The following PNP variants were observed in gnomAD, a reference collection of about 807,000 sequenced individuals.
PNP encodes the protein HEL-S-156an.
In PNP, 18 loss-of-function variants were observed where a neutral mutation model predicts 26.8. That is an observed-to-expected ratio of 0.67 (90% CI 0.46 to 1.00). The LOEUF (loss-of-function observed/expected upper bound fraction) is 1.00, where lower values mean the gene tolerates loss of function less well. Among genes scored for constraint, PNP ranks in the 50% least tolerant of loss-of-function variants. The pLI is 0.00. For synonymous variants in PNP, 116 were observed against 124.8 expected (o/e 0.93, Z 0.47); for missense variants, 320 against 362.9 (o/e 0.88, Z 0.96).
Position 20,474,493 on chromosome 14 carries a change from T to G in PNP, c.203T>G (p.Leu68Arg), listed in dbSNP as rs1882053318. 6.2e-7 allele frequency: 1 copy of G among 1,614,082 alleles called. No individual in the cohort carries two copies. The change falls in exon 3 of 6, where the codon CTG (leucine) becomes CGG (arginine). Residue 68 changes from leucine (L) to arginine (R), a missense_variant. Leu to Arg is a moderately radical substitution (Grantham distance 102, BLOSUM62 -2). Transcript: ENST00000361505. ...RSTVPGHAGR[L>R]VFGFLNGRAC... Reference sequence around the variant, plus strand: ...ACAGTGCCAGGTCATGCTGGCCGACTGGTGTTTGGGTTCCTGAATGGCAGG... The same window carrying G: ...ACAGTGCCAGGTCATGCTGGCCGACGGGTGTTTGGGTTCCTGAATGGCAGG...
chr14:20,474,521 C>T lies in PNP; in HGVS notation c.231C>T (p.Ala77=), dbSNP rs1264807267. The change falls in exon 3 of 6, where the codon GCC becomes GCT. Residue 77 remains alanine, a synonymous_variant. Transcript: ENST00000361505. ...TGTTTGGGTTCCTGAATGGCAGGGC[C>T]TGTGTGATGATGCAGGGCAGGTTCC... ...RLVFGFLNGR[A]CVMMQGRFHM... 20 of 1,614,160 alleles carry T rather than the reference C, an allele frequency of 1.2e-5. No individual in the cohort carries two copies. The highest frequency in any genetic ancestry group is 1.6e-5 in the Non-Finnish European group (19 of 1,180,038).
chr14:20,474,673 G>C, intron 3 of PNP, 98 bp downstream of exon 3: 1 of 1,545,806 alleles, frequency 6.5e-7, no homozygotes, highest in Middle Eastern at 1.7e-4. Context: ...GTGGATTTTT[G>C]GTCCTCTCCT....
intron 1 of PNP, chr14:20,469,776 G>A (rs996211071): frequency 1.6e-6 from 1 of 633,078 alleles, no homozygotes; most frequent in South Asian, 1.8e-5. Context: ...AAGGGGACAG[G>A]TCGGTGCGGT....
chr14:20,475,158 G>A lies in PNP; in HGVS notation c.558G>A (p.Glu186=), dbSNP rs749155712. 1.9e-6 allele frequency: 3 copies of A among 1,614,218 alleles called. No homozygotes were observed. Among genetic ancestry groups the A allele is most frequent in the Admixed American group, 3.3e-5 (2 of 60,026 alleles). Residue 186 remains glutamate, a synonymous_variant, in exon 5 of 6, where the codon GAG becomes GAA. Coordinates refer to ENST00000361505, the MANE Select transcript of PNP (RefSeq NM_000270.4). The part of the protein sequence containing the change: ...STWKQMGEQR[E]LQEGTYVMVA... Reference sequence around the variant, plus strand: ...GGAAACAAATGGGGGAGCAACGTGAGCTACAGGAAGGCACCTATGTGATGG... The same window carrying A: ...GGAAACAAATGGGGGAGCAACGTGAACTACAGGAAGGCACCTATGTGATGG...
At chr14:20,473,155 T>C (rs1294889204) in intron 2 of PNP, 1 of 152,426 alleles carries the variant, frequency 6.6e-6, no homozygotes, top group Non-Finnish European at 1.5e-5. Context: ...TTTTGTTTTT[T>C]TGCATAAGCT....
Position 20,476,755 on chromosome 14 carries a change from C to G in PNP, c.*154C>G, listed in dbSNP as rs940627229. 7.2e-6 allele frequency: 5 copies of G among 699,058 alleles called. No individual in the cohort carries two copies. Among genetic ancestry groups the G allele is most frequent in the Admixed American group, 6.2e-5 (3 of 48,752 alleles). 43.3% of individuals were successfully genotyped at this position (699,058 alleles called of 1,614,324 possible). On this transcript the variant is annotated 3_prime_UTR_variant, in exon 6 of 6. Coordinates refer to ENST00000361505, the MANE Select transcript of PNP (RefSeq NM_000270.4). Reference sequence around the variant, plus strand: ...CCTTTCCCACTTTCTTCTACCAGACCCTTCTGGTGCCAGATCCTCTTCTCA... The same window carrying G: ...CCTTTCCCACTTTCTTCTACCAGACGCTTCTGGTGCCAGATCCTCTTCTCA...
At chr14:20,473,890 T>A (rs1482688193) in intron 2 of PNP, 1 of 153,552 alleles carries the variant, frequency 6.5e-6, no homozygotes, top group Non-Finnish European at 1.4e-5. Flanking sequence ...TTTTATAGAT[T>A]TACAGGGGTA....
In PNP at chr14:20,471,197, A is replaced by ATTTTTT. The variant is rs397960222; in HGVS notation, c.12-1091_12-1086dup. On this transcript the variant is annotated intron_variant, in intron 1 of 5. Coordinates refer to ENST00000361505, the MANE Select transcript of PNP (RefSeq NM_000270.4). The stretch of plus-strand genomic sequence containing the variant: ...AGGGGCCCGCCACCACGCCCGGCTA[A>ATTTTTT]TTTTTTTTTTTTTTTTTTTTTTTTT... Among the ~76,000 whole-genome samples, 603 of 90,620 alleles carry ATTTTTT rather than the reference A, an allele frequency of 6.7e-3. 7 individuals are homozygous for ATTTTTT. Among genetic ancestry groups the ATTTTTT allele is most frequent in the East Asian group, 0.033 (98 of 3,010 alleles). 59.5% of individuals were successfully genotyped at this position (90,620 alleles called of 152,430 possible). A position where few individuals can be genotyped will look rare whatever the true frequency, so the allele number is the denominator to read the frequency against.
intron 1 of PNP, among the ~76,000 whole-genome samples, chr14:20,471,886 T>C (rs1881994565): frequency 6.6e-6 from 1 of 152,126 alleles, no homozygotes; most frequent in Non-Finnish European, 1.5e-5. Flanking sequence ...CCATTTTGAG[T>C]ACTCTTCTTG....
intron 2 of PNP, chr14:20,474,232 A>G: frequency 2.1e-6 from 1 of 477,510 alleles, no homozygotes; most frequent in Non-Finnish European, 3.8e-6. Context: ...TTGTGTGTTC[A>G]TGCTGAACAT....
intron 2 of PNP, chr14:20,473,001 A>C (rs981559110): frequency 6.1e-6 from 1 of 165,258 alleles, no homozygotes; most frequent in African/African-American, 2.4e-5. Context: ...GATAGTAGTG[A>C]CGCTGGCTCC....
chr14:20,472,287 T>C, intron 1 of PNP, 21 bp from the exon 2 acceptor site: 6 of 1,609,102 alleles, frequency 3.7e-6, no homozygotes, highest in Non-Finnish European at 5.1e-6. Flanking sequence ...AGAATTCACC[T>C]TGATATTTTT....
Position 20,474,867 on chromosome 14 carries a change from G to A in PNP, c.380G>A (p.Gly127Glu). The change falls in exon 4 of 6, where the codon GGA (glycine) becomes GAA (glutamate). Residue 127 changes from glycine to glutamate, a missense_variant. Physicochemically the swap from Gly to Glu is moderately conservative, Grantham distance 98. Transcript: ENST00000361505. ...GGGCTGAACCCCAAGTTTGAGGTTG[G>A]AGATATCATGCTGATCCGTGACCAT... ...AGGLNPKFEV[G>E]DIMLIRDHIN... 1 of 1,614,208 alleles carries A rather than the reference G, an allele frequency of 6.2e-7. No homozygotes were observed. Among genetic ancestry groups the A allele is most frequent in the Non-Finnish European group, 8.5e-7 (1 of 1,180,026 alleles).
chr14:20,472,788 T>A (rs751307215), intron 2 of PNP: 70 of 335,372 alleles, frequency 2.1e-4, no homozygotes, highest in Non-Finnish European at 3.5e-4. Flanking sequence ...AATAACTAAC[T>A]TCTGTTGGTT....
Position 20,476,499 on chromosome 14 carries a change from C to T in PNP, c.768C>T (p.Asn256=). The T allele has an allele frequency of 6.2e-7, 1 of 1,614,174 alleles. No homozygotes were observed. The highest frequency in any genetic ancestry group is 8.5e-7 in the Non-Finnish European group (1 of 1,180,020). ...ATTATGAAAGCCTGGAGAAGGCCAA[C>T]CATGAAGAAGTCTTAGCAGCTGGCA... The part of the protein sequence containing the change: ...IMDYESLEKA[N]HEEVLAAGKQ... Residue 256 remains asparagine, a synonymous_variant, in exon 6 of 6, where the codon AAC becomes AAT. Transcript: ENST00000361505.
At position 20,474,512 on chromosome 14, in the gene PNP, T is replaced by A. The variant is rs1231774478; in HGVS notation, c.222T>A (p.Asn74Lys). ...HAGRLVFGFLNGRACVMMQGR... is the reference protein window; with the variant it reads ...HAGRLVFGFLKGRACVMMQGR... ...GCCGACTGGTGTTTGGGTTCCTGAA[T>A]GGCAGGGCCTGTGTGATGATGCAGG... Residue 74 changes from asparagine to lysine, a missense_variant, in exon 3 of 6, where the codon AAT becomes AAA. Transcript: ENST00000361505. The A allele has an allele frequency of 6.2e-7, 1 of 1,614,226 alleles. No homozygotes were observed. Among genetic ancestry groups the A allele is most frequent in the South Asian group, 1.1e-5 (1 of 91,082 alleles).
intron 1 of PNP, 139 bp from the exon 2 acceptor site, chr14:20,472,169 G>A (rs549484704): frequency 2.1e-5 from 16 of 762,760 alleles, no homozygotes; most frequent in South Asian, 1.8e-4. Context: ...GAAGAGCATA[G>A]TATGGCCTTT....
chr14:20,472,998 G>A (rs1882020203), intron 2 of PNP: 1 of 166,672 alleles, frequency 6.0e-6, no homozygotes, highest in African/African-American at 2.4e-5. Flanking sequence ...GGAGATAGTA[G>A]TGACGCTGGC....
chr14:20,470,702 T>A (rs2139333297), intron 1 of PNP: 1 of 152,198 alleles, frequency 6.6e-6, no homozygotes, highest in East Asian at 1.9e-4. Context: ...AGAGCAAAGA[T>A]CCTCGGTGGA....
Sources: allele counts gnomAD v4.1 joint callset (sites outside exome capture counted in the v4.1 genomes callset), GRCh38; gene constraint gnomAD v4.1.1; transcripts MANE v1.5; gene names NCBI Gene and HGNC (gene_info 2026-07-23, HGNC 2026-07-21).